CD53: variants seen among roughly 807,000 people sequenced by gnomAD.
The protein encoded by CD53 is CD53 molecule.
Under a neutral mutation model 27.3 loss-of-function variants are expected in CD53, and 20 were observed. The ratio of observed to expected loss-of-function variants is 0.73; its 90% confidence interval spans 0.52 to 1.07. CD53 has a LOEUF of 1.07. Ranked by LOEUF, CD53 falls within the 50% of genes least tolerant of loss-of-function variation. The pLI is 0.00. For synonymous variants in CD53, 106 were observed against 105.3 expected, an observed-to-expected ratio of 1.01 and a Z score of -0.04; for missense variants, 216 against 264.0, an observed-to-expected ratio of 0.82 and a Z score of 1.26.
At chr1:110,878,703 C>T (rs1465197413) in intron 1 of CD53, among the ~76,000 whole-genome samples, 1 of 151,970 alleles carries the variant, frequency 6.6e-6, no homozygotes, top group East Asian at 1.9e-4. Context: ...GTTTCTCTAC[C>T]AAACACTTCC....
chr1:110,897,650 A>T, intron 6 of CD53, 159 bp from the exon 7 acceptor site: 1 of 487,296 alleles, frequency 2.1e-6, no homozygotes, highest in Non-Finnish European at 3.7e-6. Context: ...TTCCCACCTT[A>T]TGCCTGTTTC....
chr1:110,873,058 G>A (rs377728213), upstream of CD53: 5 of 152,664 alleles, frequency 3.3e-5, no homozygotes, highest in Middle Eastern at 3.4e-3. Context: ...TAAAGAGGGC[G>A]GACTCAGCCT....
chr1:110,882,601 C>T (rs184863537), intron 1 of CD53, among the ~76,000 whole-genome samples: 11 of 152,014 alleles, frequency 7.2e-5, no homozygotes. Flanking sequence ...TTGAAGCCTA[C>T]AAAAAATTCT....
chr1:110,879,504 A>G (rs534111757), intron 1 of CD53, among the ~76,000 whole-genome samples: 57 of 145,362 alleles, frequency 3.9e-4, no homozygotes, highest in African/African-American at 1.3e-3. Flanking sequence ...ATATAAACAT[A>G]TTTTTGTCTT....
intron 4 of CD53, 127 bp from the exon 5 acceptor site, chr1:110,894,833 C>A: frequency 1.4e-6 from 1 of 712,360 alleles, no homozygotes. Flanking sequence ...TCCCCTCACC[C>A]TTAGTTCTGA....
chr1:110,873,757 A>T (rs1308941056), intron 1 of CD53, among the ~76,000 whole-genome samples: 1 of 152,224 alleles, frequency 6.6e-6, no homozygotes, highest in Non-Finnish European at 1.5e-5. Context: ...CTAAATAGAA[A>T]GGTGGCTAAA....
intron 1 of CD53, among the ~76,000 whole-genome samples, chr1:110,876,248 C>T (rs12120896): frequency 0.22 from 32,843 of 152,042 alleles, 3,890 homozygotes; most frequent in East Asian, 0.32. Flanking sequence ...AATAGTTATT[C>T]AGAATGTCTT....
intron 1 of CD53, among the ~76,000 whole-genome samples, chr1:110,886,089 CTTTT>C (rs920804592): frequency 2.0e-5 from 3 of 151,820 alleles, no homozygotes; most frequent in African/African-American, 7.3e-5. Flanking sequence ...TCTTAAAGTC[CTTTT>C]TTTAAGTTAT....
chr1:110,896,182 G>A (rs544232488), intron 5 of CD53, among the ~76,000 whole-genome samples: 4 of 152,274 alleles, frequency 2.6e-5, no homozygotes, highest in Non-Finnish European at 5.9e-5. Context: ...TTGCTTCCTC[G>A]AGTATTTTGG....
At chr1:110,875,499 C>T (rs755223595) in intron 1 of CD53, among the ~76,000 whole-genome samples, 1 of 152,204 alleles carries the variant, frequency 6.6e-6, no homozygotes, top group Non-Finnish European at 1.5e-5. Flanking sequence ...CCATTGTTTT[C>T]AGCTTAGCTT....
chr1:110,887,366 T>C (rs1656669801), intron 1 of CD53, among the ~76,000 whole-genome samples: 1 of 151,468 alleles, frequency 6.6e-6, no homozygotes, highest in African/African-American at 2.5e-5. Flanking sequence ...GCCCAGCCTA[T>C]TTTTTTGAAA....
chr1:110,877,532 G>A (rs1219973241), intron 1 of CD53, among the ~76,000 whole-genome samples: 2 of 152,158 alleles, frequency 1.3e-5, no homozygotes, highest in Non-Finnish European at 2.9e-5. Flanking sequence ...TCCCACCTCA[G>A]CTGTTATTAG....
chr1:110,889,486 A>G lies in CD53; in HGVS notation c.-17-1906A>G, dbSNP rs575305476. Among the ~76,000 whole-genome samples, 3 of 152,230 alleles carry G rather than the reference A, an allele frequency of 2.0e-5. No homozygotes were observed. In the South Asian group the frequency reaches 6.2e-4, roughly 32 times the overall value. ...GGCAGGAGAATGGCTTGAATCTGGA[A>G]GGTGGAGGTTGCAGTGAGCTGAGAT... On this transcript the variant is annotated intron_variant, in intron 1 of 7. Transcript: ENST00000271324.
At chr1:110,898,196 TGAAACCCCGTCTCTACTAAA>T (rs1221105575) in intron 7 of CD53, among the ~76,000 whole-genome samples, 1 of 151,840 alleles carries the variant, frequency 6.6e-6, no homozygotes, top group Non-Finnish European at 1.5e-5. Flanking sequence ...GCTAACATGG[TGAAACCCCGTCTCTACTAAA>T]AATACAAAAA....
At chr1:110,874,410 G>C (rs557494377) in intron 1 of CD53, among the ~76,000 whole-genome samples, 1 of 152,252 alleles carries the variant, frequency 6.6e-6, no homozygotes, top group East Asian at 1.9e-4. Context: ...TGAAAAGGTA[G>C]AAGGAGAATA....
rs1319106409 is a variant in CD53 at position 110,899,814 on chromosome 1, A to G, written c.*619A>G. 6.5e-6 allele frequency: 1 copy of G among 152,750 alleles called. No homozygotes were observed. Among genetic ancestry groups the G allele is most frequent in the African/African-American group, 2.4e-5 (1 of 41,458 alleles). The allele number at this position is 152,750 out of a possible 1,614,324, so 9.5% of individuals were successfully genotyped here. A position where few individuals can be genotyped will look rare whatever the true frequency, so the allele number is the denominator to read the frequency against. On this transcript the variant is annotated 3_prime_UTR_variant, in exon 8 of 8. Coordinates refer to ENST00000271324, the MANE Select transcript of CD53 (RefSeq NM_000560.4). The stretch of plus-strand genomic sequence containing the variant: ...ATTTATATCCTGATTTCAACCAGTC[A>G]CTTAGCTGATAATCACAGTAAGAAG...
chr1:110,891,666 G>C (rs989179359), intron 2 of CD53, among the ~76,000 whole-genome samples, 195 bp downstream of exon 2: 3 of 152,128 alleles, frequency 2.0e-5, no homozygotes, highest in Non-Finnish European at 4.4e-5. Flanking sequence ...AAATTGAAAG[G>C]TACCAGTGCA....
chr1:110,874,000 G>T (rs979776478), intron 1 of CD53, among the ~76,000 whole-genome samples: 2 of 152,190 alleles, frequency 1.3e-5, no homozygotes. Context: ...CCAATCATGT[G>T]CTGTAACTAA....
At chr1:110,897,536 C>G (rs1570914187) in intron 6 of CD53, 2 of 293,550 alleles carry the variant, frequency 6.8e-6, no homozygotes, top group Admixed American at 9.9e-5. Flanking sequence ...GGTTGCTGAC[C>G]TGCCTCTTAG....
Sources: gnomAD v4.1 joint callset for allele counts (sites outside exome capture counted in the v4.1 genomes callset) on GRCh38, gnomAD v4.1.1 for gene constraint, MANE v1.5 for transcripts, NCBI Gene and HGNC (gene_info 2026-07-23, HGNC 2026-07-21) for gene names.